The following CADM2 variants were observed in gnomAD, a reference collection of about 807,000 sequenced individuals.
The protein encoded by CADM2 is immunoglobulin superfamily member 4D.
In CADM2, 12 loss-of-function variants were observed where a neutral mutation model predicts 49.8. That is an observed-to-expected ratio of 0.24 (90% CI 0.15 to 0.39). The LOEUF (loss-of-function observed/expected upper bound fraction) is 0.39. Ranked by LOEUF, CADM2 falls within the 10% of genes least tolerant of loss-of-function variation. The probability of loss-of-function intolerance (pLI) is 1.00; values close to 1 mark genes in which losing one functional copy is unlikely to be tolerated. For synonymous variants in CADM2, 214 were observed against 175.4 expected (o/e 1.22, Z -1.74); for missense variants, 378 against 492.3 (o/e 0.77, Z 2.20).
At chr3:85,779,004 A>T (rs1577292693) in intron 2 of CADM2, among the ~76,000 whole-genome samples, 1 of 152,316 alleles carries the variant, frequency 6.6e-6, no homozygotes, top group South Asian at 2.1e-4. Flanking sequence ...TTTTAAGACA[A>T]GGAGACTTAG....
intron 1 of CADM2, among the ~76,000 whole-genome samples, chr3:85,044,153 A>G (rs1294603723): frequency 2.6e-5 from 4 of 152,288 alleles, no homozygotes; most frequent in Middle Eastern, 3.4e-3. Context: ...ACCTAATACT[A>G]CAAATGATCC....
intron 8 of CADM2, chr3:86,015,057 G>T: frequency 1.3e-6 from 1 of 755,744 alleles, no homozygotes. Context: ...GGACACACAC[G>T]TTAAACCCTA....
chr3:85,167,530 A>T (rs1030181976), intron 1 of CADM2, among the ~76,000 whole-genome samples: 1 of 152,160 alleles, frequency 6.6e-6, no homozygotes, highest in African/African-American at 2.4e-5. Flanking sequence ...TTTCAAGTTT[A>T]CAAGAGCTTT....
intron 2 of CADM2, among the ~76,000 whole-genome samples, chr3:85,765,249 C>A (rs955572387): frequency 6.6e-6 from 1 of 152,046 alleles, no homozygotes; most frequent in African/African-American, 2.4e-5. Flanking sequence ...CCCTTTGCTT[C>A]TTTTGAAAAT....
intron 1 of CADM2, among the ~76,000 whole-genome samples, chr3:85,594,345 ATTAT>A (rs923679293): frequency 2.0e-4 from 30 of 151,940 alleles, no homozygotes; most frequent in Non-Finnish European, 2.7e-4. Flanking sequence ...ATTAACTGAA[ATTAT>A]TTATTTATTT....
chr3:85,768,343 G>A (rs919548999), intron 2 of CADM2, among the ~76,000 whole-genome samples: 4 of 151,790 alleles, frequency 2.6e-5, no homozygotes, highest in African/African-American at 9.7e-5. Flanking sequence ...CTACTTGGGA[G>A]GCTGAGGCAG....
chr3:85,787,646 T>G (rs1023500845), intron 2 of CADM2, among the ~76,000 whole-genome samples: 4 of 152,124 alleles, frequency 2.6e-5, no homozygotes, highest in African/African-American at 9.7e-5. Context: ...TTGAAACATA[T>G]GCCTATATAA....
chr3:85,157,819 T>C (rs1259232265), intron 1 of CADM2, among the ~76,000 whole-genome samples: 2 of 151,570 alleles, frequency 1.3e-5, no homozygotes, highest in East Asian at 1.9e-4. Context: ...GCAATGGCAA[T>C]AAAAGCCAAA....
intron 1 of CADM2, among the ~76,000 whole-genome samples, chr3:85,319,045 G>T (rs2044537844): frequency 6.6e-6 from 1 of 152,004 alleles, no homozygotes; most frequent in African/African-American, 2.4e-5. Flanking sequence ...GCTTTGTTTT[G>T]CTTTTTAGCA....
At chr3:85,351,339 TCAAA>T (rs1237353113) in intron 1 of CADM2, among the ~76,000 whole-genome samples, 1 of 152,040 alleles carries the variant, frequency 6.6e-6, no homozygotes, top group East Asian at 1.9e-4. Context: ...CTCTGTCCAG[TCAAA>T]CAGAGACATT....
At chr3:85,288,795 C>CCCG (rs35243274) in intron 1 of CADM2, among the ~76,000 whole-genome samples, 2 of 131,354 alleles carry the variant, frequency 1.5e-5, no homozygotes, top group Admixed American at 7.7e-5. Flanking sequence ...CCCCCCCCCC[C>CCCG]TCTTTTTTTC....
At chr3:85,539,685 T>G (rs962785057) in intron 1 of CADM2, among the ~76,000 whole-genome samples, 1 of 152,146 alleles carries the variant, frequency 6.6e-6, no homozygotes, top group Admixed American at 6.6e-5. Flanking sequence ...TCTTTATTTT[T>G]TAATGGGGTA....
At chr3:85,644,562 A>G (rs2064829149) in intron 1 of CADM2, among the ~76,000 whole-genome samples, 1 of 152,146 alleles carries the variant, frequency 6.6e-6, no homozygotes, top group African/African-American at 2.4e-5. Context: ...GGGCAGTGAG[A>G]GGTACAGCAG....
intron 1 of CADM2, among the ~76,000 whole-genome samples, chr3:85,203,381 GGA>G (rs141240353): frequency 6.6e-6 from 1 of 151,802 alleles, no homozygotes; most frequent in African/African-American, 2.4e-5. Flanking sequence ...AGCTGAAGGA[GGA>G]GAGAGAGAGA....
At chr3:85,072,604 G>A (rs956574264) in intron 1 of CADM2, among the ~76,000 whole-genome samples, 1 of 152,036 alleles carries the variant, frequency 6.6e-6, no homozygotes, top group Non-Finnish European at 1.5e-5. Context: ...ATGGATTTAT[G>A]TGTTTAACTC....
chr3:85,258,143 T>A (rs2042932129), intron 1 of CADM2, among the ~76,000 whole-genome samples: 1 of 152,088 alleles, frequency 6.6e-6, no homozygotes. Context: ...TCAGCCTACC[T>A]GAGTGGCCAA....
chr3:85,080,077 A>T (rs1425506308), intron 1 of CADM2, among the ~76,000 whole-genome samples: 1 of 152,046 alleles, frequency 6.6e-6, no homozygotes, highest in Non-Finnish European at 1.5e-5. Context: ...TCATAATACT[A>T]TTTTTGAGAA....
chr3:85,684,080 G>A (rs1211135036), intron 1 of CADM2, among the ~76,000 whole-genome samples: 3 of 152,138 alleles, frequency 2.0e-5, no homozygotes, highest in Non-Finnish European at 4.4e-5. Flanking sequence ...CACTCACAAG[G>A]TGTGGAACAA....
intron 1 of CADM2, among the ~76,000 whole-genome samples, chr3:85,585,488 AAG>A (rs1296324153): frequency 6.6e-6 from 1 of 151,814 alleles, no homozygotes; most frequent in East Asian, 1.9e-4. Context: ...GAAGAAGTGA[AAG>A]GAAATTGTTG....
Sources: allele counts gnomAD v4.1 joint callset (sites outside exome capture counted in the v4.1 genomes callset), GRCh38; gene constraint gnomAD v4.1.1; transcripts MANE v1.5; gene names NCBI Gene and HGNC (gene_info 2026-07-23, HGNC 2026-07-21).